Variants in MDN1 observed in about 807,000 individuals in gnomAD.
MDN1 encodes midasin AAA ATPase 1.
In MDN1, 266 loss-of-function variants were observed where a neutral mutation model predicts 669.2. The ratio of observed to expected loss-of-function variants is 0.40; its 90% CI spans 0.36 to 0.44. The LOEUF (loss-of-function observed/expected upper bound fraction) is 0.44. Ranked by LOEUF, MDN1 falls within the 20% of genes least tolerant of loss-of-function variation. The probability of loss-of-function intolerance (pLI) is 1.00; values close to 1 mark genes in which losing one functional copy is unlikely to be tolerated. For missense variants in MDN1, 5,940 were observed against 6,754.0 expected (o/e 0.88, Z 4.22); for synonymous variants, 2,385 against 2,457.1 (o/e 0.97, Z 0.87).
rs1812654669 is a variant in MDN1, at chr6:89,695,228, T to C, written c.9771+377A>G. The stretch of plus-strand genomic sequence containing the variant: ...GCCTGGACGAGAAAGCAAGGCTCCA[T>C]CTCAAAAACAAACAAACAAACAAAA... On this transcript the variant is annotated intron_variant, in intron 61 of 101. Transcript: ENST00000369393. The surrounding 1 kb of genome is among the most constrained non-coding windows in gnomAD (Gnocchi z 4.1). Among the ~76,000 whole-genome samples the C allele has an allele frequency of 1.3e-5, 2 of 152,106 alleles. No individual in the cohort carries two copies. The highest frequency in any genetic ancestry group is 1.3e-4 in the Admixed American group (2 of 15,276).
At chr6:89,684,851 T>C (rs1584183458) in intron 71 of MDN1, 25 bp downstream of exon 71, 2 of 1,435,602 alleles carry the variant, frequency 1.4e-6, no homozygotes, top group East Asian at 4.5e-5. Flanking sequence ...CTCCCAAGAG[T>C]GATCATGACA....
intron 27 of MDN1, among the ~76,000 whole-genome samples, chr6:89,746,565 G>A (rs1315741663): frequency 7.5e-6 from 1 of 132,628 alleles, no homozygotes. Context: ...CTGCACTCCA[G>A]CCTGGGCTAC....
chr6:89,784,375 C>G (rs368169887), intron 9 of MDN1, among the ~76,000 whole-genome samples: 1 of 151,980 alleles, frequency 6.6e-6, no homozygotes, highest in East Asian at 1.9e-4. Flanking sequence ...ACATATTTAC[C>G]TATATACCTA....
chr6:89,773,970 GAA>G (rs1302813116), intron 13 of MDN1, among the ~76,000 whole-genome samples: 2 of 96,798 alleles, frequency 2.1e-5, no homozygotes, highest in African/African-American at 3.9e-5. Context: ...GTCTTAAAAA[GAA>G]AAAAAAAAAA....
chr6:89,655,670 A>G, intron 92 of MDN1, 94 bp downstream of exon 92: 1 of 1,185,058 alleles, frequency 8.4e-7, no homozygotes, highest in Admixed American at 2.3e-5. Flanking sequence ...CTCACACTGT[A>G]CCCCACAAAT....
chr6:89,690,014 G>T lies in MDN1; in HGVS notation c.10879C>A (p.His3627Asn), dbSNP rs1812278684. ...GCAAAGTTGAGACACAATTGCTGGT[G>T]TATCAGCATTACTGCCTGCATTGAA... ...QNSMQAVMLI[H>N]QQLCLNFARS... Residue 3627 changes from histidine (H) to asparagine (N), a missense_variant, in exon 65 of 102, where the codon CAC becomes AAC. His to Asn is a moderately conservative substitution (Grantham distance 68). Around this residue, in one of 5 missense-constraint regions of MDN1, gnomAD observed 2,280 missense variants for 2,576.3 expected, o/e 0.88. Transcript: ENST00000369393. 1.2e-6 allele frequency: 2 copies of T among 1,614,094 alleles called. No homozygotes were observed. The highest frequency in any genetic ancestry group is 1.7e-6 in the Non-Finnish European group (2 of 1,180,050).
chr6:89,743,362 G>C, intron 30 of MDN1, 82 bp from the exon 31 acceptor site: 1 of 1,538,774 alleles, frequency 6.5e-7, no homozygotes, highest in Non-Finnish European at 8.9e-7. Context: ...TGTTTCCAGG[G>C]GTGAAGTAGG....
intron 19 of MDN1, among the ~76,000 whole-genome samples, chr6:89,757,503 A>G (rs1002954621): frequency 6.6e-6 from 1 of 152,228 alleles, no homozygotes; most frequent in African/African-American, 2.4e-5. Context: ...GAAGATTCCC[A>G]TATGCCTACC....
Position 89,662,795 on chromosome 6 carries a change from A to G in MDN1, c.14409T>C (p.Asp4803=). ...NKTEETGPGM[D]EEDSELVAKD... ...AGGGGAGAAATCTTTGAATTACCTCATCCATTCCTGGTCCTGTTTCTTCAG... is the reference window on the plus strand; with the variant it reads ...AGGGGAGAAATCTTTGAATTACCTCGTCCATTCCTGGTCCTGTTTCTTCAG... The change falls in exon 86 of 102, where the codon GAT becomes GAC. Residue 4803 remains aspartate, a synonymous_variant. Coordinates refer to ENST00000369393, the MANE Select transcript of MDN1 (RefSeq NM_014611.3). 1 of 1,614,070 alleles carries G rather than the reference A, an allele frequency of 6.2e-7. No individual in the cohort carries two copies.
chr6:89,796,839 C>A (rs568162498), intron 2 of MDN1, among the ~76,000 whole-genome samples: 41 of 150,076 alleles, frequency 2.7e-4, no homozygotes, highest in Admixed American at 2.5e-3. Flanking sequence ...GAGGCTGAGG[C>A]GGGTGGATCA....
In MDN1 at chr6:89,776,707, A is replaced by C. The variant is rs1342908957; in HGVS notation, c.1726-12T>G. ...AAACAGTCTAGAGCCTATTAAAATA[A>C]CCAAGGTAAATGCTGACTGATTTTT... On this transcript the variant is annotated splice_polypyrimidine_tract_variant and intron_variant, in intron 11 of 101. Coordinates refer to ENST00000369393, the MANE Select transcript of MDN1 (RefSeq NM_014611.3). The C allele has an allele frequency of 6.5e-7, 1 of 1,547,592 alleles. No individual in the cohort carries two copies. The highest frequency in any genetic ancestry group is 8.8e-7 in the Non-Finnish European group (1 of 1,137,030).
intron 3 of MDN1, among the ~76,000 whole-genome samples, 177 bp downstream of exon 3, chr6:89,794,400 A>G (rs1423306566): frequency 6.6e-6 from 1 of 152,218 alleles, no homozygotes; most frequent in Non-Finnish European, 1.5e-5. Flanking sequence ...CATTCATATC[A>G]TCTCATTTTC....
At chr6:89,720,105 A>T (rs2128313366) in intron 40 of MDN1, among the ~76,000 whole-genome samples, 1 of 152,238 alleles carries the variant, frequency 6.6e-6, no homozygotes, top group South Asian at 2.1e-4. Context: ...CAATGAAGTT[A>T]AAAAATAAAA....
chr6:89,684,158 C>A (rs547452891), intron 71 of MDN1, among the ~76,000 whole-genome samples: 124 of 152,230 alleles, frequency 8.1e-4, no homozygotes, highest in African/African-American at 2.9e-3. Context: ...TCCTGGCCAA[C>A]ATGGTGAAAC....
chr6:89,663,052 A>G, intron 85 of MDN1, 85 bp from the exon 86 acceptor site: 1 of 1,473,910 alleles, frequency 6.8e-7, no homozygotes, highest in South Asian at 1.2e-5. Context: ...CCGCTTCCCT[A>G]GCAAGGGCCC....
chr6:89,674,089 C>T lies in MDN1; in HGVS notation c.13247+15G>A, dbSNP rs1309724771. 2 of 1,612,240 alleles carry T rather than the reference C, an allele frequency of 1.2e-6. No homozygotes were observed. Among genetic ancestry groups the T allele is most frequent in the Non-Finnish European group, 1.7e-6 (2 of 1,178,890 alleles). On this transcript the variant is annotated intron_variant, in intron 79 of 101. Coordinates refer to ENST00000369393, the MANE Select transcript of MDN1 (RefSeq NM_014611.3). ...CTAAGCACACAGAGAAGTGTAAAGA[C>T]ATAGACACACTTACCAAGAATGAAA...
intron 13 of MDN1, among the ~76,000 whole-genome samples, chr6:89,773,979 A>AAAAAG (rs1458955941): frequency 6.6e-6 from 1 of 152,032 alleles, no homozygotes; most frequent in Non-Finnish European, 1.5e-5. Context: ...AGAAAAAAAA[A>AAAAAG]AAAAGAAAAG....
chr6:89,658,145 G>C, intron 90 of MDN1, 64 bp downstream of exon 90: 1 of 1,583,236 alleles, frequency 6.3e-7, no homozygotes, highest in Non-Finnish European at 8.6e-7. Context: ...AGAATGTGAT[G>C]TCGGACAGGG....
intron 73 of MDN1, 71 bp downstream of exon 73, chr6:89,683,061 C>G (rs1811753564): frequency 1.2e-5 from 18 of 1,470,244 alleles, no homozygotes; most frequent in Non-Finnish European, 1.7e-5. Context: ...CTGAGGCATG[C>G]CTTGCACATA....
Sources: allele counts gnomAD v4.1 joint callset (sites outside exome capture counted in the v4.1 genomes callset), GRCh38; gene constraint gnomAD v4.1.1; regional missense constraint gnomAD v4.1.1; non-coding constraint Gnocchi (gnomAD v3.1); transcripts MANE v1.5; gene names NCBI Gene and HGNC (gene_info 2026-07-23, HGNC 2026-07-21).